SEC14L1: variants seen among roughly 807,000 people sequenced by gnomAD.
SEC14L1 encodes SEC14 like lipid binding 1.
A neutral mutation model predicts 85.3 loss-of-function variants in SEC14L1; 48 were observed. The ratio of observed to expected loss-of-function variants is 0.56; its 90% CI spans 0.45 to 0.72. SEC14L1 has a LOEUF of 0.72. SEC14L1 is among the 30% of genes least tolerant of loss of function. The probability of loss-of-function intolerance (pLI) is 0.00; values close to 1 mark genes in which losing one functional copy is unlikely to be tolerated. For synonymous variants in SEC14L1, 391 were observed against 355.5 expected, an observed-to-expected ratio of 1.10 and a Z score of -1.12; for missense variants, 682 against 921.4, an observed-to-expected ratio of 0.74 and a Z score of 3.36.
At position 77,170,860 on chromosome 17, in the gene SEC14L1, A is replaced by G. The variant is rs532912343; in HGVS notation, c.64-19943A>G. Among the ~76,000 whole-genome samples, 204 of 152,204 alleles carry G rather than the reference A, an allele frequency of 1.3e-3. 1 individual carries two copies. Among genetic ancestry groups the G allele is most frequent in the African/African-American group, 4.4e-3 (184 of 41,504 alleles). ...TAACGAGGGCAGTGAATTGGGTTCTATTGTCTGAATCAGTGTTTTCTATAA... is the reference window on the plus strand; with the variant it reads ...TAACGAGGGCAGTGAATTGGGTTCTGTTGTCTGAATCAGTGTTTTCTATAA... On this transcript the variant is annotated intron_variant, in intron 3 of 16. Coordinates refer to ENST00000436233, the MANE Select transcript of SEC14L1 (RefSeq NM_001143998.2).
intron 13 of SEC14L1, among the ~76,000 whole-genome samples, chr17:77,207,500 G>A (rs1028808895): frequency 6.6e-6 from 1 of 151,952 alleles, no homozygotes; most frequent in Admixed American, 6.6e-5. Context: ...TGCACAGGCT[G>A]GAGTGCAGTG....
chr17:77,213,222 T>G lies in SEC14L1; in HGVS notation c.1864-92T>G. 1 of 1,116,680 alleles carries G rather than the reference T, an allele frequency of 9.0e-7. No individual in the cohort carries two copies. The highest frequency in any genetic ancestry group is 2.7e-5 in the Admixed American group (1 of 37,682). The allele number at this position is 1,116,680 out of a possible 1,614,324, so 69.2% of individuals were successfully genotyped here. A position where few individuals can be genotyped will look rare whatever the true frequency, so the allele number is the denominator to read the frequency against. On this transcript the variant is annotated intron_variant, in intron 15 of 16. Coordinates refer to ENST00000436233, the MANE Select transcript of SEC14L1 (RefSeq NM_001143998.2). The surrounding 1 kb of genome is among the most constrained non-coding windows in gnomAD (Gnocchi z 7.1). ...TAGTTTCCGTAGCTACATGAAATCC[T>G]AAAGACAGTCCCCTTGGCGCTTGTC...
rs1320803836 is a variant in SEC14L1, at chr17:77,215,723, C to CGTAGGTAGGGCTAGTAGGTAGGGTTA, written c.*1724_*1749dup. 1 of 990,932 alleles carries CGTAGGTAGGGCTAGTAGGTAGGGTTA rather than the reference C, an allele frequency of 1.0e-6. No homozygotes were observed. Among genetic ancestry groups the CGTAGGTAGGGCTAGTAGGTAGGGTTA allele is most frequent in the African/African-American group, 1.8e-5 (1 of 55,696 alleles). The allele number at this position is 990,932 out of a possible 1,614,324, so 61.4% of individuals were successfully genotyped here. A position where few individuals can be genotyped will look rare whatever the true frequency, so the allele number is the denominator to read the frequency against. ...TGCTTCCGGAAAGCGCGGTAGGGTT[C>CGTAGGTAGGGCTAGTAGGTAGGGTTA]GTAGGTAGGGCTAGTAGGTAGGGTT... On this transcript the variant is annotated 3_prime_UTR_variant, in exon 17 of 17. Coordinates refer to ENST00000436233, the MANE Select transcript of SEC14L1 (RefSeq NM_001143998.2).
At chr17:77,145,591 G>A (rs1973264984) in intron 3 of SEC14L1, among the ~76,000 whole-genome samples, 1 of 152,202 alleles carries the variant, frequency 6.6e-6, no homozygotes, top group South Asian at 2.1e-4. Flanking sequence ...GACTTACCAT[G>A]TTTGCCATTT....
At chr17:77,139,975 A>G (rs66467262), upstream of SEC14L1, among the ~76,000 whole-genome samples, 42,251 of 152,072 alleles carry the variant, frequency 0.28, 6,070 homozygotes, top group African/African-American at 0.32. Context: ...AACAGGTCCA[A>G]AAACGTTCTG....
chr17:77,106,800 G>A (rs1040119805), intron 3 of SEC14L1, among the ~76,000 whole-genome samples: 2 of 152,144 alleles, frequency 1.3e-5, no homozygotes, highest in Admixed American at 6.5e-5. Flanking sequence ...TGGCGCCACT[G>A]CACTCCAACC....
intron 3 of SEC14L1, among the ~76,000 whole-genome samples, chr17:77,172,157 G>A (rs1186966321): frequency 2.0e-5 from 3 of 151,988 alleles, no homozygotes; most frequent in Admixed American, 6.6e-5. Context: ...ACTGAGGAGC[G>A]AGCAGCTCCT....
chr17:77,178,065 CTTTTTT>C (rs1353798812), intron 3 of SEC14L1, among the ~76,000 whole-genome samples: 1 of 136,442 alleles, frequency 7.3e-6, no homozygotes, highest in Non-Finnish European at 1.6e-5. Context: ...TCCCCCCCCC[CTTTTTT>C]TTTTGAGTGC....
chr17:77,158,248 C>T (rs1198972719), intron 3 of SEC14L1, among the ~76,000 whole-genome samples: 1 of 152,224 alleles, frequency 6.6e-6, no homozygotes, highest in Non-Finnish European at 1.5e-5. Flanking sequence ...GTTGTGCAGC[C>T]ACCACCACCA....
Position 77,141,012 on chromosome 17 carries a change from G to C in SEC14L1, c.-231G>C, listed in dbSNP as rs1244894309. The C allele has an allele frequency of 7.0e-6, 1 of 143,086 alleles. No individual in the cohort carries two copies. Among genetic ancestry groups the C allele is most frequent in the Non-Finnish European group, 1.5e-5 (1 of 66,328 alleles). The allele number at this position is 143,086 out of a possible 1,614,324, so 8.9% of individuals were successfully genotyped here. A position where few individuals can be genotyped will look rare whatever the true frequency, so the allele number is the denominator to read the frequency against. On this transcript the variant is annotated 5_prime_UTR_variant, in exon 1 of 17. Transcript: ENST00000436233. ...TCCCCGGAACCGGCGGTCGAGCTAC[G>C]GTCGCGGAGCAGTGGAACCGAGACT...
At chr17:77,125,243 C>A (rs536768029) in intron 3 of SEC14L1, among the ~76,000 whole-genome samples, 69 of 152,046 alleles carry the variant, frequency 4.5e-4, no homozygotes, top group African/African-American at 1.5e-3. Context: ...ATGATCTGCC[C>A]GCCTCGGCCT....
At chr17:77,089,612 GACATC>G (rs1310743569) in intron 2 of SEC14L1, 7 of 431,224 alleles carry the variant, frequency 1.6e-5, no homozygotes, top group African/African-American at 4.2e-5. Flanking sequence ...ACATTGGCCT[GACATC>G]ATGTTAAATG....
chr17:77,102,530 G>T (rs762090981), intron 3 of SEC14L1, among the ~76,000 whole-genome samples: 9 of 151,856 alleles, frequency 5.9e-5, no homozygotes, highest in African/African-American at 2.2e-4. Flanking sequence ...TTGAGAGGGA[G>T]TCTCACTCTA....
intron 3 of SEC14L1, among the ~76,000 whole-genome samples, chr17:77,158,719 G>A (rs546980151): frequency 3.3e-5 from 5 of 149,372 alleles, no homozygotes; most frequent in African/African-American, 7.4e-5. Context: ...ACCGATGGAC[G>A]TTGGGTTGTT....
chr17:77,124,380 C>G (rs1247083240), intron 3 of SEC14L1, among the ~76,000 whole-genome samples: 2 of 152,054 alleles, frequency 1.3e-5, no homozygotes, highest in Admixed American at 1.3e-4. Context: ...AAAACAAAAA[C>G]CGGAAACCAC....
chr17:77,190,675 T>C (rs1975481456), intron 3 of SEC14L1, 128 bp from the exon 4 acceptor site: 3 of 862,296 alleles, frequency 3.5e-6, no homozygotes, highest in Non-Finnish European at 3.7e-6. Context: ...GCTTCAGATG[T>C]GAAGACAGTT....
At chr17:77,113,176 AAG>A (rs1488379340) in intron 3 of SEC14L1, among the ~76,000 whole-genome samples, 2 of 152,190 alleles carry the variant, frequency 1.3e-5, no homozygotes, top group East Asian at 1.9e-4. Flanking sequence ...AAAAAAAAGA[AAG>A]AAAAGAAAAA....
chr17:77,146,457 C>T (rs979116132), intron 3 of SEC14L1, among the ~76,000 whole-genome samples: 1 of 152,146 alleles, frequency 6.6e-6, no homozygotes, highest in Admixed American at 6.5e-5. Context: ...AAAATTGTGA[C>T]GTTTACCTTG....
rs71280842 is a variant in SEC14L1, at chr17:77,123,414, C to CTTTT, written c.-135-19220_-135-19217dup. Among the ~76,000 whole-genome samples, 14 of 80,484 alleles carry CTTTT rather than the reference C, an allele frequency of 1.7e-4. 1 individual carries two copies. Among genetic ancestry groups the CTTTT allele is most frequent in the South Asian group, 1.4e-3 (4 of 2,770 alleles). The allele number at this position is 80,484 out of a possible 152,430, so 52.8% of individuals were successfully genotyped here. On this transcript the variant is annotated intron_variant, in intron 3 of 19. Transcript: ENST00000392476. ...CCCTGAAGTGGGTCCCAGGCCCACTCTTTTTTTTTTTTTTTGAGACAGAGC... is the reference window on the plus strand; with the variant it reads ...CCCTGAAGTGGGTCCCAGGCCCACTCTTTTTTTTTTTTTTTTTTTGAGACAGAGC...
Sources: gnomAD v4.1 joint callset for allele counts (sites outside exome capture counted in the v4.1 genomes callset) on GRCh38, gnomAD v4.1.1 for gene constraint, Gnocchi (gnomAD v3.1) non-coding constraint, MANE v1.5 for transcripts, NCBI Gene and HGNC (gene_info 2026-07-23, HGNC 2026-07-21) for gene names.